The following RTCB variants were observed in gnomAD, a reference collection of about 807,000 sequenced individuals.
RTCB encodes RNA 2',3'-cyclic phosphate and 5'-OH ligase.
A neutral mutation model predicts 58.2 loss-of-function variants in RTCB; 32 were observed. The observed-to-expected ratio is 0.55, with a 90% CI of 0.41 to 0.74. RTCB has a LOEUF of 0.74. RTCB is among the 30% of genes least tolerant of loss of function. The probability of loss-of-function intolerance (pLI) is 0.00; values close to 1 mark genes in which losing one functional copy is unlikely to be tolerated. For missense variants in RTCB, 523 were observed against 639.0 expected (o/e 0.82, Z 1.96); for synonymous variants, 247 against 218.6 (o/e 1.13, Z -1.15).
In RTCB at chr22:32,412,115, C is replaced by A; in HGVS notation, c.42G>T (p.Lys14Asn). Residue 14 changes from lysine (K) to asparagine (N), a missense_variant, in exon 1 of 12, where the codon AAG becomes AAT. Physicochemically the swap from Lys to Asn is moderately conservative, Grantham distance 94. This residue lies in a region of RTCB where 134 missense variants were observed against 129.9 expected (regional missense o/e 1.03). Coordinates refer to ENST00000216038, the MANE Select transcript of RTCB (RefSeq NM_014306.5). ...TGATCCTCCAGCAGTTTTTATTGAT[C>A]TTCTCCAAGAACTGCAGCTCATCAT... ...SYNDELQFLE[K>N]INKNCWRIKK... 1 of 1,609,728 alleles carries A rather than the reference C, an allele frequency of 6.2e-7. No individual in the cohort carries two copies.
intron 4 of RTCB, among the ~76,000 whole-genome samples, chr22:32,403,955 T>C (rs2145896277): frequency 6.6e-6 from 1 of 152,360 alleles, no homozygotes; most frequent in East Asian, 1.9e-4. Context: ...GTGTCTGGCC[T>C]ATTTCTCAGC....
chr22:32,398,623 T>A (rs1291020737), intron 6 of RTCB, among the ~76,000 whole-genome samples: 1 of 152,154 alleles, frequency 6.6e-6, no homozygotes, highest in African/African-American at 2.4e-5. Flanking sequence ...AATTAATTTT[T>A]TAAAAAAAGC....
chr22:32,408,407 T>C (rs945650737), intron 2 of RTCB, among the ~76,000 whole-genome samples, 165 bp from the exon 3 acceptor site: 7 of 152,336 alleles, frequency 4.6e-5, no homozygotes, highest in South Asian at 2.1e-4. Flanking sequence ...GAGCTCCTTT[T>C]AGAGTCACTG....
chr22:32,396,972 G>A (rs985927005), intron 7 of RTCB, among the ~76,000 whole-genome samples: 2 of 150,882 alleles, frequency 1.3e-5, no homozygotes, highest in Non-Finnish European at 2.9e-5. Context: ...GGGCAGCCAC[G>A]CCCCAGGCAC....
chr22:32,394,094 TG>T (rs1454653509), intron 9 of RTCB, 92 bp from the exon 10 acceptor site: 1 of 832,998 alleles, frequency 1.2e-6, no homozygotes, highest in African/African-American at 1.7e-5. Flanking sequence ...ACTGTAGGAT[TG>T]TAGGAGAAAC....
rs1206960795 is a variant in RTCB at position 32,388,086 on chromosome 22, T to C, written c.1424A>G (p.Tyr475Cys). Residue 475 changes from tyrosine (Y) to cysteine (C), a missense_variant, in exon 12 of 12, where the codon TAT (tyrosine) becomes TGT (cysteine). By Grantham distance (194) the Tyr-to-Cys change is radical. Coordinates refer to ENST00000216038, the MANE Select transcript of RTCB (RefSeq NM_014306.5). The stretch of plus-strand genomic sequence containing the variant: ...ATTTACCACATCTGTCACATTCTTA[T>C]AGGACTCAGGAGCCTGCAGGAGAGG... Reference protein sequence around the residue: ...KLVMEEAPESYKNVTDVVNTC... With the variant: ...KLVMEEAPESCKNVTDVVNTC... 15 of 1,611,884 alleles carry C rather than the reference T, an allele frequency of 9.3e-6. No individual in the cohort carries two copies. The highest frequency in any genetic ancestry group is 1.3e-5 in the African/African-American group (1 of 74,888).
In RTCB at chr22:32,396,174, C is replaced by G. The variant is rs778448548; in HGVS notation, c.890G>C (p.Arg297Pro). Residue 297 changes from arginine to proline, a missense_variant, in exon 8 of 12, where the codon CGA (arginine) becomes CCA (proline). This residue lies in a region of RTCB where 248 missense variants were observed against 292.5 expected (regional missense o/e 0.85). Coordinates refer to ENST00000216038, the MANE Select transcript of RTCB (RefSeq NM_014306.5). ...GTCTTGACCCTCTGGGGAAGCGATT[C>G]GAGCACAAGCCAACTGCCGATCATT... ...IVNDRQLACA[R>P]IASPEGQDYL... 2.5e-6 allele frequency: 4 copies of G among 1,614,082 alleles called. No individual in the cohort carries two copies. The highest frequency in any genetic ancestry group is 3.4e-6 in the Non-Finnish European group (4 of 1,180,038).
chr22:32,408,307 T>G, intron 2 of RTCB, 65 bp from the exon 3 acceptor site: 2 of 1,357,672 alleles, frequency 1.5e-6, no homozygotes, highest in Non-Finnish European at 2.1e-6. Context: ...ATTATATTCA[T>G]GTTTTTAGAC....
At chr22:32,390,814 A>C (rs1041014432) in intron 11 of RTCB, among the ~76,000 whole-genome samples, 1 of 151,888 alleles carries the variant, frequency 6.6e-6, no homozygotes, top group Non-Finnish European at 1.5e-5. Context: ...AATTGTTATT[A>C]AAAAAAATAA....
intron 10 of RTCB, among the ~76,000 whole-genome samples, chr22:32,392,832 C>T (rs1933178589): frequency 6.6e-6 from 1 of 152,242 alleles, no homozygotes; most frequent in Non-Finnish European, 1.5e-5. Flanking sequence ...TAGACAGTTT[C>T]TCTTTCCCAT....
intron 11 of RTCB, among the ~76,000 whole-genome samples, chr22:32,388,480 C>G (rs1179305286): frequency 2.0e-5 from 3 of 152,238 alleles, no homozygotes; most frequent in Admixed American, 1.3e-4. Flanking sequence ...TTTTAATTTT[C>G]TTCCTTTATA....
chr22:32,410,270 C>T (rs1350556252), intron 1 of RTCB, among the ~76,000 whole-genome samples: 2 of 152,108 alleles, frequency 1.3e-5, no homozygotes, highest in African/African-American at 4.8e-5. Context: ...AGAGCTGGTT[C>T]TTTGAAGACA....
intron 4 of RTCB, among the ~76,000 whole-genome samples, 164 bp from the exon 5 acceptor site, chr22:32,402,067 A>C (rs1933344595): frequency 6.6e-6 from 1 of 152,216 alleles, no homozygotes; most frequent in Non-Finnish European, 1.5e-5. Context: ...TGATGACACC[A>C]AGATAATCTA....
At chr22:32,408,146 A>T (rs762505659) in intron 3 of RTCB, 29 bp downstream of exon 3, 36 of 1,597,580 alleles carry the variant, frequency 2.3e-5, no homozygotes, top group Non-Finnish European at 2.9e-5. Context: ...AAGAAATATA[A>T]ATGATTAAAG....
At chr22:32,394,979 T>C in intron 9 of RTCB, 47 bp downstream of exon 9, 1 of 1,504,188 alleles carries the variant, frequency 6.6e-7, no homozygotes, top group Admixed American at 1.9e-5. Flanking sequence ...TGCAACAATC[T>C]AAATCGTGCC....
Position 32,395,006 on chromosome 22 carries a change from A to G in RTCB, c.1179+20T>C, listed in dbSNP as rs1452293652. The G allele has an allele frequency of 1.3e-6, 2 of 1,592,912 alleles. No homozygotes were observed. Among genetic ancestry groups the G allele is most frequent in the African/African-American group, 1.3e-5 (1 of 74,454 alleles). ...AATCGTGCCCCCACTGCTTAAAACT[A>G]CAAACGTAGAGCTACGTACTTGGTA... On this transcript the variant is annotated intron_variant, in intron 9 of 11. Transcript: ENST00000216038.
intron 1 of RTCB, among the ~76,000 whole-genome samples, chr22:32,411,107 T>C (rs988075108): frequency 6.6e-6 from 1 of 152,186 alleles, no homozygotes; most frequent in African/African-American, 2.4e-5. Context: ...CCGTGCGCTT[T>C]TTCTTCCCTC....
At position 32,408,221 on chromosome 22, in the gene RTCB, G is replaced by A. The variant is rs903978417; in HGVS notation, c.194C>T (p.Ala65Val). The A allele has an allele frequency of 6.2e-7, 1 of 1,614,074 alleles. No individual in the cohort carries two copies. The highest frequency in any genetic ancestry group is 8.5e-7 in the Non-Finnish European group (1 of 1,179,968). ...TGCCACATTGCCAATCTGTTTCATGGCTGGCAGGAAGCCACCAACACCTGA... is the reference window on the plus strand; with the variant it reads ...TGCCACATTGCCAATCTGTTTCATGACTGGCAGGAAGCCACCAACACCTGA... Reference protein sequence around the residue: ...RGGGVGGFLPAMKQIGNVAAL... With the variant: ...RGGGVGGFLPVMKQIGNVAAL... Residue 65 changes from alanine to valine, a missense_variant, in exon 3 of 12, where the codon GCC (alanine) becomes GTC (valine). Physicochemically the swap from Ala to Val is moderately conservative, Grantham distance 64 (BLOSUM62 0). Transcript: ENST00000216038.
At chr22:32,405,524 AGTTT>A (rs1345195666) in intron 4 of RTCB, among the ~76,000 whole-genome samples, 1 of 152,218 alleles carries the variant, frequency 6.6e-6, no homozygotes, top group African/African-American at 2.4e-5. Context: ...TCACGTGTCA[AGTTT>A]GTTATTGGAT....
Sources: allele counts gnomAD v4.1 joint callset (sites outside exome capture counted in the v4.1 genomes callset), GRCh38; gene constraint gnomAD v4.1.1; regional missense constraint gnomAD v4.1.1; transcripts MANE v1.5; gene names NCBI Gene and HGNC (gene_info 2026-07-23, HGNC 2026-07-21).